ANXA6: variants seen among roughly 807,000 people sequenced by gnomAD.
ANXA6 encodes the protein 67 kDa calelectrin.
ANXA6 carries 71 observed loss-of-function variants against 95.4 expected under a neutral mutation model. The ratio of observed to expected loss-of-function variants is 0.74; its 90% CI spans 0.61 to 0.91. ANXA6 has a LOEUF of 0.91. Ranked by LOEUF, ANXA6 falls within the 40% of genes least tolerant of loss-of-function variation. The probability of loss-of-function intolerance (pLI) is 0.00; values close to 1 mark genes in which losing one functional copy is unlikely to be tolerated. For synonymous variants in ANXA6, 289 were observed against 315.9 expected (o/e 0.91, Z 0.90); for missense variants, 830 against 876.4 (o/e 0.95, Z 0.67).
chr5:151,134,616 T>C (rs1765606599), intron 7 of ANXA6, 133 bp from the exon 8 acceptor site: 3 of 845,458 alleles, frequency 3.5e-6, no homozygotes, highest in African/African-American at 1.7e-5. Context: ...GTGACTGCTA[T>C]TGCATGAAGA....
intron 1 of ANXA6, among the ~76,000 whole-genome samples, chr5:151,156,791 C>A (rs1231907309): frequency 6.6e-6 from 1 of 152,158 alleles, no homozygotes; most frequent in African/African-American, 2.4e-5. Flanking sequence ...ACTCCCAAAC[C>A]TGCAATCATT....
At chr5:151,114,695 A>G (rs114698789) in intron 20 of ANXA6, among the ~76,000 whole-genome samples, 5,534 of 147,580 alleles carry the variant, frequency 0.037, 357 homozygotes, top group African/African-American at 0.13. Context: ...ATTTCATGGT[A>G]GGTCTATAAT....
intron 24 of ANXA6, among the ~76,000 whole-genome samples, chr5:151,104,552 C>A (rs1554083539): frequency 6.6e-6 from 1 of 152,246 alleles, no homozygotes; most frequent in African/African-American, 2.4e-5. Context: ...CAGCTGTGGT[C>A]AGAGAGATGA....
At chr5:151,147,551 A>G (rs1766002914) in intron 2 of ANXA6, among the ~76,000 whole-genome samples, 1 of 152,172 alleles carries the variant, frequency 6.6e-6, no homozygotes, top group Non-Finnish European at 1.5e-5. Flanking sequence ...CCAAGAATGA[A>G]GCCACCGGAA....
At chr5:151,123,619 G>T (rs1412009003) in intron 15 of ANXA6, among the ~76,000 whole-genome samples, 5 of 151,490 alleles carry the variant, frequency 3.3e-5, no homozygotes, top group Non-Finnish European at 5.9e-5. Flanking sequence ...AGCTTGGCAG[G>T]TATCATCATT....
intron 11 of ANXA6, among the ~76,000 whole-genome samples, chr5:151,130,485 C>G (rs1301568120): frequency 2.6e-5 from 4 of 152,168 alleles, no homozygotes; most frequent in Admixed American, 2.6e-4. Context: ...GAACTTTGGG[C>G]CTCAAGTGAT....
intron 1 of ANXA6, among the ~76,000 whole-genome samples, chr5:151,149,086 C>T (rs112436595): frequency 6.8e-6 from 1 of 146,528 alleles, no homozygotes; most frequent in Non-Finnish European, 1.5e-5. Context: ...GAGGCTGAGG[C>T]GAGAGGATTG....
In ANXA6 at chr5:151,126,628, C is replaced by T. The variant is rs915714831; in HGVS notation, c.978-148G>A. The T allele has an allele frequency of 4.5e-6, 3 of 665,228 alleles. No individual in the cohort carries two copies. The African/African-American group carries it at 5.4e-5, about 12-fold the overall frequency. 41.2% of individuals were successfully genotyped at this position (665,228 alleles called of 1,614,324 possible). A position where few individuals can be genotyped will look rare whatever the true frequency, so the allele number is the denominator to read the frequency against. ...ACACACATTAAGCTTTCTTTCTCTC[C>T]AGCCTATGCCTCCTCCATTCGCCAG... On this transcript the variant is annotated intron_variant, in intron 13 of 25. Coordinates refer to ENST00000354546, the MANE Select transcript of ANXA6 (RefSeq NM_001155.5).
chr5:151,135,962 C>T (rs62379670), intron 7 of ANXA6, among the ~76,000 whole-genome samples: 14,265 of 152,124 alleles, frequency 0.094, 801 homozygotes, highest in East Asian at 0.15. Flanking sequence ...ACACAGTAGC[C>T]ACAGGAATGC....
chr5:151,126,325 G>A, intron 14 of ANXA6, 77 bp downstream of exon 14: 2 of 1,324,060 alleles, frequency 1.5e-6, no homozygotes, highest in Non-Finnish European at 2.1e-6. Flanking sequence ...GCAGCTGGGT[G>A]CCAACCAGAG....
intron 4 of ANXA6, chr5:151,138,993 G>A (rs770588691): frequency 4.0e-5 from 24 of 604,632 alleles, no homozygotes; most frequent in Non-Finnish European, 6.8e-5. Context: ...ATGTCATGCT[G>A]CTAGCAAACG....
At chr5:151,114,872 G>A (rs949769290) in intron 20 of ANXA6, among the ~76,000 whole-genome samples, 2 of 152,120 alleles carry the variant, frequency 1.3e-5, no homozygotes, top group East Asian at 1.9e-4. Flanking sequence ...GTGAGAGACC[G>A]CCAGGGAGGC....
rs764218442 is a variant in ANXA6, at chr5:151,103,666, C to T, written c.1866G>A (p.Leu622=). 1 of 1,610,772 alleles carries T rather than the reference C, an allele frequency of 6.2e-7. No individual in the cohort carries two copies. The highest frequency in any genetic ancestry group is 8.5e-7 in the Non-Finnish European group (1 of 1,178,590). ...MKGAGTDEKT[L]TRIMVSRSEI... ...CACTGCGGGATACCATGATCCTGGT[C>T]AGAGTCTTCTCATCTGTGCCAGCAC... is the stretch of plus-strand genomic sequence containing the variant. The change falls in exon 25 of 26, where the codon CTG becomes CTA. Residue 622 remains leucine (L), a synonymous_variant. Coordinates refer to ENST00000354546, the MANE Select transcript of ANXA6 (RefSeq NM_001155.5).
chr5:151,141,546 G>A, intron 2 of ANXA6: 1 of 985,540 alleles, frequency 1.0e-6, no homozygotes, highest in South Asian at 4.7e-5. Context: ...CAAGGAGTCA[G>A]AGGTGGAGCA....
intron 20 of ANXA6, among the ~76,000 whole-genome samples, chr5:151,113,556 C>T (rs1764911196): frequency 6.6e-6 from 1 of 152,012 alleles, no homozygotes; most frequent in Non-Finnish European, 1.5e-5. Context: ...AATCCAAAGT[C>T]CCAATTGTTC....
intron 20 of ANXA6, among the ~76,000 whole-genome samples, chr5:151,111,752 C>T (rs1278970886): frequency 7.3e-5 from 11 of 150,694 alleles, no homozygotes; most frequent in African/African-American, 2.7e-4. Context: ...CCACATCCAG[C>T]TAATTTTTTT....
chr5:151,115,153 T>C (rs1764962488), intron 20 of ANXA6, among the ~76,000 whole-genome samples: 1 of 152,222 alleles, frequency 6.6e-6, no homozygotes, highest in African/African-American at 2.4e-5. Context: ...AATGCAACAA[T>C]ATTCACATAG....
chr5:151,105,364 G>A, intron 23 of ANXA6, 61 bp from the exon 24 acceptor site: 1 of 1,494,852 alleles, frequency 6.7e-7, no homozygotes, highest in Non-Finnish European at 9.3e-7. Context: ...CCAGACTCTG[G>A]ACCGGCCTCC....
At chr5:151,129,309 T>C in intron 12 of ANXA6, 98 bp downstream of exon 12, 1 of 1,482,516 alleles carries the variant, frequency 6.7e-7, no homozygotes, top group Admixed American at 2.0e-5. Context: ...AGACTCCCAC[T>C]TCCTAGGACA....
Sources: allele counts gnomAD v4.1 joint callset (sites outside exome capture counted in the v4.1 genomes callset), GRCh38; gene constraint gnomAD v4.1.1; transcripts MANE v1.5; gene names NCBI Gene and HGNC (gene_info 2026-07-23, HGNC 2026-07-21).